PTPRK: variants seen among roughly 807,000 people sequenced by gnomAD.
PTPRK encodes protein tyrosine phosphatase receptor type K, also known as receptor-type tyrosine-protein phosphatase kappa.
PTPRK carries 75 observed loss-of-function variants against 178.0 expected under a neutral mutation model. The observed-to-expected ratio is 0.42, with a 90% confidence interval of 0.35 to 0.51. The LOEUF (loss-of-function observed/expected upper bound fraction) is 0.51. PTPRK is among the 20% of genes least tolerant of loss of function. The pLI is 0.02. For missense variants in PTPRK, 1,441 were observed against 1,797.8 expected, an observed-to-expected ratio of 0.80 and a Z score of 3.59; for synonymous variants, 637 against 620.6, an observed-to-expected ratio of 1.03 and a Z score of -0.39.
At chr6:128,421,615 G>T (rs369731502) in intron 1 of PTPRK, among the ~76,000 whole-genome samples, 1 of 152,112 alleles carries the variant, frequency 6.6e-6, no homozygotes, top group East Asian at 1.9e-4. Context: ...ATTTCAGGAA[G>T]GAAGGACTCA....
At chr6:128,283,190 C>T (rs1821952897) in intron 3 of PTPRK, among the ~76,000 whole-genome samples, 1 of 152,150 alleles carries the variant, frequency 6.6e-6, no homozygotes, top group South Asian at 2.1e-4. Context: ...CCTACAGAGT[C>T]CTTGGTGCAC....
At position 127,976,703 on chromosome 6, in the gene PTPRK, T is replaced by G. The variant is rs546082322; in HGVS notation, c.3923A>C (p.Asp1308Ala). ...IQVECMSCSM[D>A]CDVINRIFRI... is the part of the protein sequence containing the mutation. Reference sequence around the variant, plus strand: ...AAAAATCCGGTTGATCACATCACAGTCCATTGAACAAGACATACATTCCAC... The same window carrying G: ...AAAAATCCGGTTGATCACATCACAGGCCATTGAACAAGACATACATTCCAC... Residue 1308 changes from aspartate (D) to alanine (A), a missense_variant, in exon 27 of 30, where the codon GAC becomes GCC. Physicochemically the swap from Asp to Ala is moderately radical, Grantham distance 126. Around this residue, in one of 4 missense-constraint regions of PTPRK, gnomAD observed 335 missense variants for 512.4 expected, o/e 0.65. Coordinates refer to ENST00000368226, the MANE Select transcript of PTPRK (RefSeq NM_002844.4). The G allele has an allele frequency of 5.0e-6, 8 of 1,613,940 alleles. No individual in the cohort carries two copies. The South Asian group carries it at 7.7e-5, about 16-fold the overall frequency.
chr6:128,508,076 G>A (rs943790267), intron 1 of PTPRK, among the ~76,000 whole-genome samples: 3 of 152,140 alleles, frequency 2.0e-5, no homozygotes, highest in East Asian at 1.9e-4. Context: ...CTGTAAGACA[G>A]ACAGAGCTTT....
At chr6:128,363,122 G>A (rs1205681407) in intron 2 of PTPRK, among the ~76,000 whole-genome samples, 1 of 152,116 alleles carries the variant, frequency 6.6e-6, no homozygotes, top group East Asian at 1.9e-4. Context: ...TTTATTTTGT[G>A]TTACACATGA....
intron 7 of PTPRK, among the ~76,000 whole-genome samples, chr6:128,133,012 C>A (rs1451599076): frequency 7.2e-5 from 11 of 152,186 alleles, no homozygotes; most frequent in Admixed American, 4.6e-4. Flanking sequence ...AGAACTGATA[C>A]ATTTCTAACA....
intron 2 of PTPRK, among the ~76,000 whole-genome samples, chr6:128,379,045 A>G (rs1438378229): frequency 6.6e-6 from 1 of 152,122 alleles, no homozygotes; most frequent in Non-Finnish European, 1.5e-5. Flanking sequence ...AATATAATAT[A>G]GTACCTGATT....
intron 2 of PTPRK, among the ~76,000 whole-genome samples, chr6:128,375,061 T>TATTATTATC (rs1489270764): frequency 7.3e-4 from 61 of 83,966 alleles, no homozygotes; most frequent in African/African-American, 2.6e-3. Context: ...AACACTGCAT[T>TATTATTATC]ATTATTATTA....
intron 1 of PTPRK, among the ~76,000 whole-genome samples, chr6:128,433,861 C>A (rs1845172543): frequency 1.4e-5 from 2 of 144,982 alleles, no homozygotes; most frequent in Non-Finnish European, 3.0e-5. Context: ...TTATAAGTAA[C>A]TTTTACTTAC....
chr6:128,327,821 A>G, intron 2 of PTPRK, among the ~76,000 whole-genome samples: 1 of 152,198 alleles, frequency 6.6e-6, no homozygotes, highest in East Asian at 1.9e-4. Context: ...AAAGTACCCA[A>G]GAAAGAAACC....
chr6:128,461,728 A>C (rs1562569221), intron 1 of PTPRK, among the ~76,000 whole-genome samples: 1 of 152,144 alleles, frequency 6.6e-6, no homozygotes, highest in Non-Finnish European at 1.5e-5. Flanking sequence ...TCCTAAAAGA[A>C]ACCTAGTGCC....
intron 3 of PTPRK, among the ~76,000 whole-genome samples, chr6:128,311,273 A>T (rs1011018297): frequency 5.3e-5 from 8 of 152,154 alleles, no homozygotes; most frequent in Non-Finnish European, 1.2e-4. Context: ...TGAATCGTAC[A>T]GTGTGTGGAT....
At chr6:128,070,979 T>C (rs1048086639) in intron 11 of PTPRK, among the ~76,000 whole-genome samples, 2 of 151,892 alleles carry the variant, frequency 1.3e-5, no homozygotes, top group African/African-American at 2.4e-5. Flanking sequence ...ATTTTTCACC[T>C]GAAAAATCCC....
chr6:128,353,540 A>G (rs933926329), intron 2 of PTPRK, among the ~76,000 whole-genome samples: 2 of 152,374 alleles, frequency 1.3e-5, no homozygotes, highest in East Asian at 3.9e-4. Flanking sequence ...AACTATTAAT[A>G]TGCACAACTT....
intron 3 of PTPRK, among the ~76,000 whole-genome samples, chr6:128,272,367 T>C (rs1356774392): frequency 1.3e-5 from 2 of 152,100 alleles, no homozygotes; most frequent in Non-Finnish European, 1.5e-5. Context: ...TGGGATCTAA[T>C]TAAACTAAAG....
chr6:128,520,465 G>A lies in PTPRK; in HGVS notation c.-107C>T. 1.9e-6 allele frequency: 2 copies of A among 1,054,794 alleles called. No individual in the cohort carries two copies. The highest frequency in any genetic ancestry group is 2.8e-6 in the Non-Finnish European group (2 of 707,482). 65.3% of individuals were successfully genotyped at this position (1,054,794 alleles called of 1,614,324 possible). A position where few individuals can be genotyped will look rare whatever the true frequency, so the allele number is the denominator to read the frequency against. ...CCGGGCCTCGCGGGGTGAGGACGGTGAGAGGACAGCCGCCCGCCCGCCCTT... is the reference window on the plus strand; with the variant it reads ...CCGGGCCTCGCGGGGTGAGGACGGTAAGAGGACAGCCGCCCGCCCGCCCTT... On this transcript the variant is annotated 5_prime_UTR_variant, in exon 1 of 30. Coordinates refer to ENST00000368226, the MANE Select transcript of PTPRK (RefSeq NM_002844.4).
chr6:128,191,473 T>C (rs1035866561), intron 6 of PTPRK, among the ~76,000 whole-genome samples: 1 of 151,978 alleles, frequency 6.6e-6, no homozygotes, highest in Non-Finnish European at 1.5e-5. Context: ...TTTGTTCAGA[T>C]GAATAAGTTT....
intron 2 of PTPRK, among the ~76,000 whole-genome samples, chr6:128,331,640 T>G (rs1466168737): frequency 6.6e-6 from 1 of 152,196 alleles, no homozygotes; most frequent in East Asian, 1.9e-4. Context: ...TATTACTTCT[T>G]AAGATGGATG....
chr6:128,436,256 T>C (rs1479340893), intron 1 of PTPRK, among the ~76,000 whole-genome samples: 2 of 152,142 alleles, frequency 1.3e-5, no homozygotes, highest in East Asian at 3.8e-4. Context: ...TGGAAAATAA[T>C]AAATTAACCA....
chr6:128,300,692 A>C (rs1347002123), intron 3 of PTPRK, among the ~76,000 whole-genome samples: 1 of 118,144 alleles, frequency 8.5e-6, no homozygotes, highest in Non-Finnish European at 1.7e-5. Flanking sequence ...GGGGAACATC[A>C]CAGTATGGGG....
Sources: allele counts gnomAD v4.1 joint callset (sites outside exome capture counted in the v4.1 genomes callset), GRCh38; gene constraint gnomAD v4.1.1; regional missense constraint gnomAD v4.1.1; transcripts MANE v1.5; gene names NCBI Gene and HGNC (gene_info 2026-07-23, HGNC 2026-07-21).